The following BCAS3 variants were observed in gnomAD, a reference collection of about 807,000 sequenced individuals.
The protein encoded by BCAS3 is BCAS3 microtubule associated cell migration factor, also known as BCAS4/BCAS3 fusion.
BCAS3 carries 53 observed loss-of-function variants against 116.1 expected under a neutral mutation model. That is an observed-to-expected ratio of 0.46 (90% CI 0.37 to 0.57). The LOEUF (loss-of-function observed/expected upper bound fraction) is 0.57. Ranked by LOEUF, BCAS3 falls within the 20% of genes least tolerant of loss-of-function variation. The probability of loss-of-function intolerance (pLI) is 0.00; values close to 1 mark genes in which losing one functional copy is unlikely to be tolerated. For missense variants in BCAS3, 917 were observed against 1,165.4 expected (o/e 0.79, Z 3.10); for synonymous variants, 391 against 408.2 (o/e 0.96, Z 0.51).
At chr17:61,075,366 G>A (rs1392189785) in intron 20 of BCAS3, among the ~76,000 whole-genome samples, 1 of 152,182 alleles carries the variant, frequency 6.6e-6, no homozygotes, top group East Asian at 1.9e-4. Context: ...CCAAGCTGGA[G>A]TGCAGTGACA....
rs1438647062 is a variant in BCAS3 at position 61,325,692 on chromosome 17, C to T, written c.2426-42635C>T. 6.6e-6 allele frequency among the ~76,000 whole-genome samples: 1 copy of T among 152,178 alleles called. No homozygotes were observed. Among genetic ancestry groups the T allele is most frequent in the Non-Finnish European group, 1.5e-5 (1 of 68,042 alleles). On this transcript the variant is annotated intron_variant, in intron 22 of 23. Coordinates refer to ENST00000407086, the MANE Select transcript of BCAS3 (RefSeq NM_017679.5). This position sits in a 1 kb window ranked among gnomAD's most constrained non-coding sequence, Gnocchi z 6.4. The stretch of plus-strand genomic sequence containing the variant: ...TTTCAAAGAATAACTGGCTGGCTTC[C>T]AGGAGTAACAGGCCTGATGATGACC...
rs200656115 is a variant in BCAS3, at chr17:61,228,310, A to ACC, written c.2426-140017_2426-140016insCC. 5.8e-3 allele frequency among the ~76,000 whole-genome samples: 889 copies of ACC among 152,306 alleles called. 5 individuals carry two copies. Among genetic ancestry groups the ACC allele is most frequent in the Middle Eastern group, 0.02 (6 of 294 alleles). ...ACACATCAAAATCTATTACCAGAAA[A>ACC]GTTGCCTTACCAGGAAACCGTAATT... On this transcript the variant is annotated intron_variant, in intron 22 of 23. Transcript: ENST00000407086. The surrounding 1 kb of genome is among the most constrained non-coding windows in gnomAD (Gnocchi z 5.0).
chr17:61,293,587 A>G (rs190801461), intron 22 of BCAS3, among the ~76,000 whole-genome samples: 75 of 152,324 alleles, frequency 4.9e-4, no homozygotes, highest in Non-Finnish European at 1.5e-5. Context: ...AGTGACAGGT[A>G]TATGGACCCA....
At position 61,065,550 on chromosome 17, in the gene BCAS3, G is replaced by A. The variant is rs1252211127; in HGVS notation, c.2030-9370G>A. Reference sequence around the variant, plus strand: ...CAAGGCAGCATGATGTCATTTAACTGCAAATTTCTCTGTTGCTAGAAAAAG... The same window carrying A: ...CAAGGCAGCATGATGTCATTTAACTACAAATTTCTCTGTTGCTAGAAAAAG... On this transcript the variant is annotated intron_variant, in intron 19 of 23. Coordinates refer to ENST00000407086, the MANE Select transcript of BCAS3 (RefSeq NM_017679.5). This position sits in a 1 kb window ranked among gnomAD's most constrained non-coding sequence, Gnocchi z 4.8. Among the ~76,000 whole-genome samples, 1 of 152,196 alleles carries A rather than the reference G, an allele frequency of 6.6e-6. No individual in the cohort carries two copies. Among genetic ancestry groups the A allele is most frequent in the Non-Finnish European group, 1.5e-5 (1 of 68,026 alleles).
chr17:60,976,989 G>T (rs893551044), intron 14 of BCAS3, among the ~76,000 whole-genome samples: 1 of 151,918 alleles, frequency 6.6e-6, no homozygotes, highest in Non-Finnish European at 1.5e-5. Context: ...GGACAGAGGG[G>T]CTCCTCACTT....
In BCAS3 at chr17:61,189,129, GAGA is replaced by G. The variant is rs2079952494; in HGVS notation, c.2425+104566_2425+104568del. On this transcript the variant is annotated intron_variant, in intron 22 of 23. Transcript: ENST00000407086. This position sits in a 1 kb window ranked among gnomAD's most constrained non-coding sequence, Gnocchi z 4.5. ...AAACAAAACAAAACAAAAAAAGAGAGAGAGAGAGAGAACAGCACACTTCAAAGG... is the reference window on the plus strand; with the variant it reads ...AAACAAAACAAAACAAAAAAAGAGAGGAGAGAGAACAGCACACTTCAAAGG... Among the ~76,000 whole-genome samples the G allele has an allele frequency of 6.6e-6, 1 of 152,112 alleles. No individual in the cohort carries two copies. The highest frequency in any genetic ancestry group is 2.4e-5 in the African/African-American group (1 of 41,438).
intron 22 of BCAS3, among the ~76,000 whole-genome samples, chr17:61,119,169 A>G (rs1398570611): frequency 6.6e-6 from 1 of 152,142 alleles, no homozygotes; most frequent in Admixed American, 6.5e-5. Context: ...TTTAACACCT[A>G]TTGAGGACAG....
intron 13 of BCAS3, among the ~76,000 whole-genome samples, chr17:60,928,779 T>A (rs1663635191): frequency 6.6e-6 from 1 of 152,208 alleles, no homozygotes; most frequent in Non-Finnish European, 1.5e-5. Context: ...GTACAAAAAG[T>A]AATTGGGGTT....
At chr17:61,304,966 A>G (rs2053734541) in intron 22 of BCAS3, among the ~76,000 whole-genome samples, 1 of 152,124 alleles carries the variant, frequency 6.6e-6, no homozygotes, top group Non-Finnish European at 1.5e-5. Context: ...CATGTTGGCC[A>G]GGCTGGTCTT....
chr17:61,188,022 C>T lies in BCAS3; in HGVS notation c.2425+103458C>T, dbSNP rs1446443519. ...GTCCTCAAAACAATGTTAACTTTTT[C>T]TAAAATTTAAAAATGTTCCTGTCTT... On this transcript the variant is annotated intron_variant, in intron 22 of 23. Coordinates refer to ENST00000407086, the MANE Select transcript of BCAS3 (RefSeq NM_017679.5). The surrounding 1 kb of genome is among the most constrained non-coding windows in gnomAD (Gnocchi z 4.0). 6.6e-6 allele frequency among the ~76,000 whole-genome samples: 1 copy of T among 152,014 alleles called. No homozygotes were observed. Among genetic ancestry groups the T allele is most frequent in the Non-Finnish European group, 1.5e-5 (1 of 67,996 alleles).
chr17:60,924,553 A>G (rs2059273017), intron 13 of BCAS3, 53 bp downstream of exon 13: 1 of 1,388,112 alleles, frequency 7.2e-7, no homozygotes. Flanking sequence ...CATTTATATA[A>G]TGGGTTTTCC....
intron 22 of BCAS3, among the ~76,000 whole-genome samples, chr17:61,137,149 C>T (rs952986448): frequency 1.3e-5 from 2 of 152,130 alleles, no homozygotes; most frequent in African/African-American, 4.8e-5. Context: ...ATATATATAT[C>T]TTATTTAATG....
At chr17:60,757,070 G>A (rs10853022) in intron 6 of BCAS3, among the ~76,000 whole-genome samples, 110,132 of 151,726 alleles carry the variant, frequency 0.73, 45,664 homozygotes, top group South Asian at 0.98. Context: ...GGCTGAGGCA[G>A]CTGAATCCCT....
Position 60,990,780 on chromosome 17 carries a change from G to T in BCAS3, c.1486+545G>T, listed in dbSNP as rs550588622. ...TCCTGCCTCAGCCTCCCGAGCAGCT[G>T]GGATTACAGGCATCCGCCACCACGC... is the stretch of plus-strand genomic sequence containing the variant. On this transcript the variant is annotated intron_variant, in intron 15 of 23. Coordinates refer to ENST00000407086, the MANE Select transcript of BCAS3 (RefSeq NM_017679.5). This position sits in a 1 kb window ranked among gnomAD's most constrained non-coding sequence, Gnocchi z 5.1. Among the ~76,000 whole-genome samples the T allele has an allele frequency of 6.6e-6, 1 of 152,104 alleles. No individual in the cohort carries two copies. Among genetic ancestry groups the T allele is most frequent in the Non-Finnish European group, 1.5e-5 (1 of 68,018 alleles).
chr17:61,040,450 G>A (rs1387470848), intron 18 of BCAS3, among the ~76,000 whole-genome samples: 2 of 152,066 alleles, frequency 1.3e-5, no homozygotes, highest in Non-Finnish European at 2.9e-5. Context: ...AGAATAGAGA[G>A]GTCAGAAATT....
intron 14 of BCAS3, among the ~76,000 whole-genome samples, chr17:60,957,694 C>T (rs897950233): frequency 3.3e-5 from 5 of 152,178 alleles, no homozygotes; most frequent in African/African-American, 1.2e-4. Flanking sequence ...GTTTTCCCTG[C>T]TCCCCTATAT....
At chr17:60,870,787 A>C (rs889078942) in intron 8 of BCAS3, among the ~76,000 whole-genome samples, 1 of 152,218 alleles carries the variant, frequency 6.6e-6, no homozygotes, top group Non-Finnish European at 1.5e-5. Flanking sequence ...CAGCACTCAG[A>C]TATTGATACA....
intron 22 of BCAS3, among the ~76,000 whole-genome samples, chr17:61,148,798 G>A (rs1252501520): frequency 6.6e-6 from 1 of 152,188 alleles, no homozygotes; most frequent in East Asian, 1.9e-4. Context: ...TTCCTCATCT[G>A]GTTCCCTAAA....
At chr17:60,875,052 G>A (rs2055464237) in intron 9 of BCAS3, among the ~76,000 whole-genome samples, 1 of 151,952 alleles carries the variant, frequency 6.6e-6, no homozygotes, top group South Asian at 2.1e-4. Context: ...TTGTTAAATT[G>A]CTTAACATAC....
Sources: allele counts gnomAD v4.1 joint callset (sites outside exome capture counted in the v4.1 genomes callset), GRCh38; gene constraint gnomAD v4.1.1; non-coding constraint Gnocchi (gnomAD v3.1); transcripts MANE v1.5; gene names NCBI Gene and HGNC (gene_info 2026-07-23, HGNC 2026-07-21).